Variants in DSCAM observed in about 807,000 individuals in gnomAD.
DSCAM encodes DS cell adhesion molecule.
A neutral mutation model predicts 217.7 loss-of-function variants in DSCAM; 47 were observed. The observed-to-expected ratio is 0.22, with a 90% confidence interval of 0.17 to 0.28. The LOEUF (loss-of-function observed/expected upper bound fraction) is 0.28. Among genes scored for constraint, DSCAM ranks in the 10% least tolerant of loss-of-function variants. DSCAM has a pLI of 1.00. For missense variants in DSCAM, 2,080 were observed against 2,618.3 expected (o/e 0.79, Z 4.49); for synonymous variants, 1,056 against 1,015.3 (o/e 1.04, Z -0.76).
At chr21:40,539,590 G>A (rs1469052534) in intron 3 of DSCAM, among the ~76,000 whole-genome samples, 1 of 152,126 alleles carries the variant, frequency 6.6e-6, no homozygotes, top group East Asian at 1.9e-4. Context: ...AAGTGTGAAA[G>A]CCTGTTTGCA....
At chr21:40,461,843 G>C (rs1237091332) in intron 3 of DSCAM, among the ~76,000 whole-genome samples, 1 of 152,218 alleles carries the variant, frequency 6.6e-6, no homozygotes, top group Admixed American at 6.5e-5. Flanking sequence ...TGAGTCAAGA[G>C]CTGCAAGTTG....
intron 3 of DSCAM, among the ~76,000 whole-genome samples, chr21:40,542,429 A>T (rs948200276): frequency 6.6e-6 from 1 of 152,156 alleles, no homozygotes; most frequent in Non-Finnish European, 1.5e-5. Context: ...GCTCCCCAAA[A>T]ATTCATATGT....
intron 1 of DSCAM, among the ~76,000 whole-genome samples, chr21:40,828,179 G>T (rs757104297): frequency 2.0e-5 from 3 of 152,156 alleles, no homozygotes; most frequent in Admixed American, 6.6e-5. Flanking sequence ...GAGGCGGGGG[G>T]ACTGTTTGAG....
At chr21:40,678,460 A>G (rs549827452) in intron 3 of DSCAM, among the ~76,000 whole-genome samples, 2 of 152,240 alleles carry the variant, frequency 1.3e-5, no homozygotes, top group Non-Finnish European at 2.9e-5. Flanking sequence ...TAATTCTCCG[A>G]TGAGAAATCG....
intron 3 of DSCAM, among the ~76,000 whole-genome samples, chr21:40,558,637 T>C (rs2076691903): frequency 6.6e-6 from 1 of 152,186 alleles, no homozygotes. Context: ...GAAACATTGA[T>C]AGTTCTCTTC....
At chr21:40,381,132 G>A (rs2075020325) in intron 3 of DSCAM, among the ~76,000 whole-genome samples, 1 of 151,798 alleles carries the variant, frequency 6.6e-6, no homozygotes, top group African/African-American at 2.4e-5. Context: ...GCCAGGATGA[G>A]GCAAAGGCGA....
intron 20 of DSCAM, among the ~76,000 whole-genome samples, chr21:40,102,956 C>G (rs189044436): frequency 6.6e-6 from 1 of 152,312 alleles, no homozygotes; most frequent in African/African-American, 2.4e-5. Flanking sequence ...ACTCACCCAT[C>G]CCTCTACTCA....
intron 19 of DSCAM, among the ~76,000 whole-genome samples, chr21:40,127,117 T>C (rs2090102315): frequency 6.6e-6 from 1 of 152,246 alleles, no homozygotes; most frequent in African/African-American, 2.4e-5. Flanking sequence ...TGCTGGCTTA[T>C]GTTTTTACTG....
rs76195942 is a variant in DSCAM at position 40,338,138 on chromosome 21, T to G, written c.1746A>C (p.Gln582His). 6.2e-7 allele frequency: 1 copy of G among 1,614,174 alleles called. No individual in the cohort carries two copies. Among genetic ancestry groups the G allele is most frequent in the East Asian group, 2.2e-5 (1 of 44,886 alleles). The change falls in exon 8 of 33, where the codon CAA (glutamine) becomes CAC (histidine). Residue 582 changes from glutamine to histidine, a missense_variant. Physicochemically the swap from Gln to His is conservative, Grantham distance 24. Transcript: ENST00000400454. ...EYTCNVLVQPQLSTSQSVHVT... is the reference protein window; with the variant it reads ...EYTCNVLVQPHLSTSQSVHVT... ...CGTGGACGCTCTGGCTGGTGGAGAG[T>G]TGTGGTTGAACCAACACGTTGCACG...
intron 20 of DSCAM, among the ~76,000 whole-genome samples, chr21:40,097,954 AAAAGAAAGAAAGAAAGAAAGAAAG>A (rs61675667): frequency 5.8e-5 from 3 of 51,516 alleles, no homozygotes; most frequent in Non-Finnish European, 1.1e-4. Context: ...AAAAAAAAAA[AAAAGAAAGAAAGAAAGAAAGAAAG>A]AAAGAAAGAA....
At chr21:40,014,094 A>C (rs1325929851) in intron 32 of DSCAM, among the ~76,000 whole-genome samples, 1 of 152,226 alleles carries the variant, frequency 6.6e-6, no homozygotes, top group Non-Finnish European at 1.5e-5. Context: ...GGTCTCCTTC[A>C]AGAGCATCTG....
At chr21:40,635,469 AG>A (rs2146326259) in intron 3 of DSCAM, among the ~76,000 whole-genome samples, 1 of 152,332 alleles carries the variant, frequency 6.6e-6, no homozygotes, top group African/African-American at 2.4e-5. Flanking sequence ...TAAGAAAGAA[AG>A]AGAGAGGGAG....
At chr21:40,088,697 T>G (rs2089565438) in intron 21 of DSCAM, among the ~76,000 whole-genome samples, 1 of 152,212 alleles carries the variant, frequency 6.6e-6, no homozygotes, top group East Asian at 1.9e-4. Flanking sequence ...AGCATCAGAT[T>G]TCCTGCATTG....
intron 3 of DSCAM, among the ~76,000 whole-genome samples, chr21:40,475,058 A>C (rs1284561654): frequency 6.6e-6 from 1 of 152,102 alleles, no homozygotes; most frequent in Non-Finnish European, 1.5e-5. Flanking sequence ...CTGGATGCTG[A>C]AGTTGGAGAG....
At chr21:40,305,049 C>T (rs1416162153) in intron 9 of DSCAM, among the ~76,000 whole-genome samples, 1 of 151,980 alleles carries the variant, frequency 6.6e-6, no homozygotes, top group Non-Finnish European at 1.5e-5. Context: ...TGCAGGATTG[C>T]CACAAACCTT....
At chr21:40,806,163 C>A (rs2091785137) in intron 1 of DSCAM, among the ~76,000 whole-genome samples, 1 of 152,216 alleles carries the variant, frequency 6.6e-6, no homozygotes, top group Non-Finnish European at 1.5e-5. Context: ...CACTATGAGG[C>A]TGGCCCTTCT....
chr21:40,065,716 TG>T (rs2089197231), intron 27 of DSCAM, among the ~76,000 whole-genome samples: 1 of 152,162 alleles, frequency 6.6e-6, no homozygotes, highest in Non-Finnish European at 1.5e-5. Flanking sequence ...GGGGAACCTT[TG>T]TTTTTTCTCT....
At chr21:40,656,529 A>G (rs2090078925) in intron 3 of DSCAM, among the ~76,000 whole-genome samples, 1 of 152,030 alleles carries the variant, frequency 6.6e-6, no homozygotes, top group Non-Finnish European at 1.5e-5. Context: ...ATAGAAAAAA[A>G]AAAAAAAGTT....
intron 3 of DSCAM, among the ~76,000 whole-genome samples, chr21:40,572,338 T>C (rs114726229): frequency 0.01 from 1,552 of 152,200 alleles, 24 homozygotes; most frequent in African/African-American, 0.035. Flanking sequence ...TAACACAAAG[T>C]ATATTTAAAA....
Sources: allele counts gnomAD v4.1 joint callset (sites outside exome capture counted in the v4.1 genomes callset), GRCh38; gene constraint gnomAD v4.1.1; transcripts MANE v1.5; gene names NCBI Gene and HGNC (gene_info 2026-07-23, HGNC 2026-07-21).